The following INTS4 variants were observed in gnomAD, a reference collection of about 807,000 sequenced individuals.
INTS4 encodes integrator complex subunit 4.
In INTS4, 70 loss-of-function variants were observed where a neutral mutation model predicts 119.5. The ratio of observed to expected loss-of-function variants is 0.59; its 90% CI spans 0.48 to 0.71. The LOEUF (loss-of-function observed/expected upper bound fraction) is 0.71, where lower values mean the gene tolerates loss of function less well. INTS4 is among the 30% of genes least tolerant of loss of function. INTS4 has a pLI of 0.00. For missense variants in INTS4, 867 were observed against 1,173.2 expected (o/e 0.74, Z 3.81); for synonymous variants, 316 against 419.6 (o/e 0.75, Z 3.02).
At position 77,965,432 on chromosome 11, in the gene INTS4, A is replaced by G. The variant is rs150086257; in HGVS notation, c.472-4294T>C. Among the ~76,000 whole-genome samples the G allele has an allele frequency of 7.2e-4, 110 of 152,196 alleles. No homozygotes were observed. The East Asian group carries it at 0.018, about 25-fold the overall frequency. On this transcript the variant is annotated intron_variant, in intron 4 of 22. Coordinates refer to ENST00000534064, the MANE Select transcript of INTS4 (RefSeq NM_033547.4). ...ATAGATCTCAAAACCTATTCCTCCT[A>G]TTCCTCCTGTTGAGCTGAAACTTTA...
intron 4 of INTS4, 90 bp downstream of exon 4, chr11:77,978,906 A>C (rs1856066561): frequency 1.4e-6 from 1 of 737,704 alleles, no homozygotes; most frequent in Non-Finnish European, 2.4e-6. Context: ...AGAGATGAAA[A>C]AAATAAGGCA....
chr11:77,934,594 C>T (rs187372920), intron 10 of INTS4, among the ~76,000 whole-genome samples: 44 of 150,906 alleles, frequency 2.9e-4, no homozygotes, highest in African/African-American at 9.3e-4. Context: ...TAATAAAGAG[C>T]ATTAAAACTC....
At chr11:77,972,152 C>T (rs1344584577) in intron 4 of INTS4, among the ~76,000 whole-genome samples, 1 of 152,176 alleles carries the variant, frequency 6.6e-6, no homozygotes, top group Non-Finnish European at 1.5e-5. Flanking sequence ...GGCTGGACTG[C>T]AGTAGCGCAG....
intron 21 of INTS4, among the ~76,000 whole-genome samples, chr11:77,887,297 T>C (rs1374468991): frequency 6.6e-6 from 1 of 152,188 alleles, no homozygotes; most frequent in African/African-American, 2.4e-5. Context: ...TAATCCATCA[T>C]ATAAACAGAA....
At chr11:77,977,576 CAAAT>C (rs1205975879) in intron 4 of INTS4, among the ~76,000 whole-genome samples, 1 of 151,724 alleles carries the variant, frequency 6.6e-6, no homozygotes, top group Non-Finnish European at 1.5e-5. Flanking sequence ...TATCAAAAGA[CAAAT>C]AATGATTCCC....
At chr11:77,947,612 C>G (rs1565264661) in intron 8 of INTS4, among the ~76,000 whole-genome samples, 1 of 152,092 alleles carries the variant, frequency 6.6e-6, no homozygotes, top group Non-Finnish European at 1.5e-5. Flanking sequence ...AGATCAAACC[C>G]CAGTGATACA....
At chr11:77,985,155 C>T (rs1856407414) in intron 2 of INTS4, among the ~76,000 whole-genome samples, 1 of 152,158 alleles carries the variant, frequency 6.6e-6, no homozygotes, top group African/African-American at 2.4e-5. Flanking sequence ...ATCACCTTTC[C>T]CCAAACTTAC....
intron 13 of INTS4, among the ~76,000 whole-genome samples, chr11:77,921,932 G>T (rs1380555327): frequency 6.6e-6 from 1 of 152,162 alleles, no homozygotes; most frequent in African/African-American, 2.4e-5. Flanking sequence ...TTGGGAGGCT[G>T]AGCCAGGAGA....
intron 18 of INTS4, among the ~76,000 whole-genome samples, chr11:77,894,800 T>C (rs993061522): frequency 2.6e-5 from 4 of 152,248 alleles, no homozygotes; most frequent in African/African-American, 9.6e-5. Flanking sequence ...CTGTGTGGAC[T>C]GCTGCAAGAT....
intron 8 of INTS4, among the ~76,000 whole-genome samples, chr11:77,944,882 T>C (rs1258471495): frequency 6.6e-6 from 1 of 152,096 alleles, no homozygotes; most frequent in Non-Finnish European, 1.5e-5. Context: ...CCAAAACACT[T>C]CTGGTCTCAA....
chr11:77,901,460 T>C lies in INTS4; in HGVS notation c.2189A>G (p.Lys730Arg). The part of the protein sequence containing the change: ...VIIHHMRLQA[K>R]ALQLIVTART... The stretch of plus-strand genomic sequence containing the variant: ...TGCTGTTACTATAAGTTGCAAAGCT[T>C]TGGCCTGCAGCCTCATGTGATGTAT... The change falls in exon 18 of 23, where the codon AAA becomes AGA. Residue 730 changes from lysine (K) to arginine (R), a missense_variant. Transcript: ENST00000534064. The C allele has an allele frequency of 6.2e-7, 1 of 1,613,976 alleles. No individual in the cohort carries two copies. The highest frequency in any genetic ancestry group is 8.5e-7 in the Non-Finnish European group (1 of 1,179,840).
chr11:77,975,632 A>G (rs1375554754), intron 4 of INTS4, among the ~76,000 whole-genome samples: 2 of 152,156 alleles, frequency 1.3e-5, no homozygotes, highest in African/African-American at 4.8e-5. Flanking sequence ...CAGATCTGCC[A>G]TTGACAAACA....
chr11:77,928,155 A>C (rs1442290912), intron 11 of INTS4, among the ~76,000 whole-genome samples, 187 bp downstream of exon 11: 2 of 152,184 alleles, frequency 1.3e-5, no homozygotes, highest in African/African-American at 2.4e-5. Flanking sequence ...TTGATCACAG[A>C]AAGACCAAGC....
intron 4 of INTS4, among the ~76,000 whole-genome samples, chr11:77,977,372 T>A (rs564919808): frequency 6.6e-6 from 1 of 151,674 alleles, no homozygotes; most frequent in Admixed American, 6.6e-5. Context: ...ACAAGAAAAA[T>A]ACTTATGTTA....
intron 15 of INTS4, among the ~76,000 whole-genome samples, chr11:77,914,077 T>A (rs1953150430): frequency 6.6e-6 from 1 of 152,250 alleles, no homozygotes; most frequent in Admixed American, 6.5e-5. Context: ...TTACTTCATG[T>A]CTGCAATGAT....
Position 77,967,171 on chromosome 11 carries a change from C to T in INTS4, c.472-6033G>A, listed in dbSNP as rs933725653. Among the ~76,000 whole-genome samples the T allele has an allele frequency of 1.5e-4, 23 of 152,224 alleles. 2 individuals carry two copies. The highest frequency in any genetic ancestry group is 1.2e-3 in the Admixed American group (18 of 15,292). The stretch of plus-strand genomic sequence containing the variant: ...TGGAAAAATGAGTTTCCTTAAGGAA[C>T]TCATGACCCAACAGTCATAGTTACA... On this transcript the variant is annotated intron_variant, in intron 4 of 22. Coordinates refer to ENST00000534064, the MANE Select transcript of INTS4 (RefSeq NM_033547.4).
chr11:77,941,121 T>C, intron 9 of INTS4, 59 bp downstream of exon 9: 16 of 1,594,212 alleles, frequency 1.0e-5, no homozygotes, highest in Non-Finnish European at 1.4e-5. Context: ...CAACTCAGCA[T>C]ACTGCCCCAC....
At chr11:77,884,821 C>G (rs1458035770) in intron 21 of INTS4, 4 of 406,940 alleles carry the variant, frequency 9.8e-6, no homozygotes, top group Non-Finnish European at 1.5e-5. Flanking sequence ...GTGGCACGAT[C>G]ATAACTCACT....
rs191989968 is a variant in INTS4, at chr11:77,939,369, G to A, written c.991-544C>T. Among the ~76,000 whole-genome samples, 6 of 152,106 alleles carry A rather than the reference G, an allele frequency of 3.9e-5. No individual in the cohort carries two copies. In the East Asian group the frequency reaches 7.7e-4, roughly 20 times the overall value. On this transcript the variant is annotated intron_variant, in intron 9 of 22. Coordinates refer to ENST00000534064, the MANE Select transcript of INTS4 (RefSeq NM_033547.4). Reference sequence around the variant, plus strand: ...CACATGCCTGTAGTCCCAGCTACTCGGGAGGCGGAGGTTGCAGTGAGCCGA... The same window carrying A: ...CACATGCCTGTAGTCCCAGCTACTCAGGAGGCGGAGGTTGCAGTGAGCCGA...
Sources: allele counts gnomAD v4.1 joint callset (sites outside exome capture counted in the v4.1 genomes callset), GRCh38; gene constraint gnomAD v4.1.1; transcripts MANE v1.5; gene names NCBI Gene and HGNC (gene_info 2026-07-23, HGNC 2026-07-21).